EXTL3: variants seen among roughly 807,000 people sequenced by gnomAD.
EXTL3 encodes exostosin like glycosyltransferase 3.
Under a neutral mutation model 69.3 loss-of-function variants are expected in EXTL3, and 27 were observed. The observed-to-expected ratio is 0.39, with a 90% CI of 0.29 to 0.54. EXTL3 has a LOEUF of 0.54. Ranked by LOEUF, EXTL3 falls within the 20% of genes least tolerant of loss-of-function variation. The pLI, the probability that EXTL3 is intolerant of heterozygous loss-of-function variation, is 0.69. For missense variants in EXTL3, 1,003 were observed against 1,231.8 expected (o/e 0.81, Z 2.78); for synonymous variants, 511 against 499.4 (o/e 1.02, Z -0.31).
At chr8:28,746,161 T>C (rs1019643003) in intron 6 of EXTL3, among the ~76,000 whole-genome samples, 1 of 152,210 alleles carries the variant, frequency 6.6e-6, no homozygotes, top group Admixed American at 6.5e-5. Flanking sequence ...GTCAAACTAT[T>C]CCTTGTTTGA....
chr8:28,682,998 G>A lies in EXTL3; in HGVS notation c.-52-30459G>A, dbSNP rs111903985. 3.3e-3 allele frequency among the ~76,000 whole-genome samples: 505 copies of A among 152,246 alleles called. 5 individuals are homozygous for A. The highest frequency in any genetic ancestry group is 0.012 in the African/African-American group (485 of 41,556). On this transcript the variant is annotated intron_variant, in intron 1 of 6. Transcript: ENST00000523149. ...AATGTGGATATCCAGTTTTCCCAGT[G>A]CCATTTATTGAAAAGACTCTCTTTT...
chr8:28,735,241 C>T (rs577837377), intron 4 of EXTL3, among the ~76,000 whole-genome samples: 154 of 152,238 alleles, frequency 1.0e-3, no homozygotes, highest in African/African-American at 3.5e-3. Context: ...TATGCTGCAG[C>T]GTGATGCAGT....
chr8:28,697,655 T>A (rs141418594), upstream of EXTL3: 4 of 151,976 alleles, frequency 2.6e-5, no homozygotes, highest in East Asian at 7.8e-4. Flanking sequence ...GGCAACATGG[T>A]GAAATCCCAT....
intron 1 of EXTL3, among the ~76,000 whole-genome samples, chr8:28,703,529 C>A (rs957472680): frequency 3.3e-5 from 5 of 152,028 alleles, no homozygotes; most frequent in African/African-American, 4.8e-5. Context: ...TCCGCAGGGC[C>A]CTAGGCCAGC....
intron 1 of EXTL3, among the ~76,000 whole-genome samples, chr8:28,675,120 G>A (rs1445309186): frequency 6.6e-6 from 1 of 152,158 alleles, no homozygotes; most frequent in African/African-American, 2.4e-5. Context: ...TACTATGAGT[G>A]TGGGATAATG....
At chr8:28,732,577 G>A (rs1014302754) in intron 4 of EXTL3, among the ~76,000 whole-genome samples, 2 of 152,072 alleles carry the variant, frequency 1.3e-5, no homozygotes, top group East Asian at 3.9e-4. Context: ...TCAGTCCTAG[G>A]TAGCCACTCA....
intron 3 of EXTL3, among the ~76,000 whole-genome samples, chr8:28,721,635 A>C (rs899324423): frequency 6.6e-6 from 1 of 152,154 alleles, no homozygotes; most frequent in Non-Finnish European, 1.5e-5. Context: ...CAGAGGTTAT[A>C]GTTGTCATCT....
chr8:28,706,147 A>G (rs1339227251), intron 1 of EXTL3, among the ~76,000 whole-genome samples: 2 of 152,216 alleles, frequency 1.3e-5, no homozygotes, highest in East Asian at 3.8e-4. Context: ...AGTCTTGGAC[A>G]TTTAATTTAT....
At chr8:28,678,797 C>T (rs1316596934) in intron 1 of EXTL3, among the ~76,000 whole-genome samples, 1 of 152,166 alleles carries the variant, frequency 6.6e-6, no homozygotes, top group Non-Finnish European at 1.5e-5. Flanking sequence ...AAGGGAAAAG[C>T]ATGATTTCCC....
intron 1 of EXTL3, among the ~76,000 whole-genome samples, chr8:28,702,769 T>C (rs1185321314): frequency 6.6e-6 from 1 of 152,180 alleles, no homozygotes; most frequent in Non-Finnish European, 1.5e-5. Flanking sequence ...TGTCCTATTC[T>C]TTGTCCAATT....
At chr8:28,668,480 G>T (rs1807234590) in intron 1 of EXTL3, among the ~76,000 whole-genome samples, 1 of 151,646 alleles carries the variant, frequency 6.6e-6, no homozygotes, top group South Asian at 2.1e-4. Context: ...TACAGCCACA[G>T]TGCCCACCAC....
intron 1 of EXTL3, chr8:28,710,573 A>G (rs553468888): frequency 1.3e-5 from 5 of 398,108 alleles, no homozygotes; most frequent in African/African-American, 1.1e-4. Flanking sequence ...TTTTATGTCT[A>G]TATTCATGAG....
Position 28,755,402 on chromosome 8 carries a change from AAAT to A in EXTL3, c.*4537_*4539del, listed in dbSNP as rs1802099814. On this transcript the variant is annotated 3_prime_UTR_variant, in exon 7 of 7. Transcript: ENST00000220562. Reference sequence around the variant, plus strand: ...TGACAAAGTGAAGAGGGTCACTTAGAAATCACAGCTTAGGCAAATTGTTTTACC... The same window carrying A: ...TGACAAAGTGAAGAGGGTCACTTAGACACAGCTTAGGCAAATTGTTTTACC... 1 of 152,386 alleles carries A rather than the reference AAAT, an allele frequency of 6.6e-6. No homozygotes were observed. 9.4% of individuals were successfully genotyped at this position (152,386 alleles called of 1,614,324 possible).
upstream of EXTL3, among the ~76,000 whole-genome samples, chr8:28,621,463 G>A (rs1806408543): frequency 6.6e-6 from 1 of 152,176 alleles, no homozygotes; most frequent in Non-Finnish European, 1.5e-5. Context: ...CTGTGAGACA[G>A]CACACGTCTG....
At chr8:28,675,680 C>T (rs555717082) in intron 1 of EXTL3, among the ~76,000 whole-genome samples, 13 of 152,284 alleles carry the variant, frequency 8.5e-5, no homozygotes, top group African/African-American at 3.1e-4. Flanking sequence ...GACATGGGCT[C>T]ACTAAGCAGG....
At chr8:28,638,483 G>A (rs771853393) in intron 1 of EXTL3, among the ~76,000 whole-genome samples, 9 of 152,088 alleles carry the variant, frequency 5.9e-5, no homozygotes, top group African/African-American at 9.7e-5. Context: ...TCCTCTGTTC[G>A]CTCCACTCTC....
chr8:28,726,022 C>G (rs1801405063), intron 3 of EXTL3, among the ~76,000 whole-genome samples: 2 of 149,552 alleles, frequency 1.3e-5, no homozygotes, highest in African/African-American at 4.9e-5. Context: ...GTGGCACAAT[C>G]TCGGCTCACT....
In EXTL3 at chr8:28,750,527, C is replaced by G. The variant is rs1801980829; in HGVS notation, c.2551-130C>G. 1.8e-5 allele frequency: 14 copies of G among 772,588 alleles called. No homozygotes were observed. In the East Asian group the frequency reaches 3.7e-4, roughly 20 times the overall value. The allele number at this position is 772,588 out of a possible 1,614,324, so 47.9% of individuals were successfully genotyped here. A position where few individuals can be genotyped will look rare whatever the true frequency, so the allele number is the denominator to read the frequency against. On this transcript the variant is annotated intron_variant, in intron 6 of 6. Transcript: ENST00000220562. This position sits in a 1 kb window ranked among gnomAD's most constrained non-coding sequence, Gnocchi z 5.2. ...GCCGGGCTCTGGTTCCTGCCATGCT[C>G]TGCAGGGATGTTGCCCCTGAGGGGA...
intron 1 of EXTL3, among the ~76,000 whole-genome samples, chr8:28,675,552 T>C (rs1807367923): frequency 6.6e-6 from 1 of 152,186 alleles, no homozygotes; most frequent in Non-Finnish European, 1.5e-5. Context: ...TATACTGTTG[T>C]CAGTAAATTC....
Sources: allele counts gnomAD v4.1 joint callset (sites outside exome capture counted in the v4.1 genomes callset), GRCh38; gene constraint gnomAD v4.1.1; non-coding constraint Gnocchi (gnomAD v3.1); transcripts MANE v1.5; gene names NCBI Gene and HGNC (gene_info 2026-07-23, HGNC 2026-07-21).